The following EBF2 variants were observed in gnomAD, a reference collection of about 807,000 sequenced individuals.
The protein encoded by EBF2 is transcription factor COE2.
Under a neutral mutation model 72.8 loss-of-function variants are expected in EBF2, and 21 were observed. That is an observed-to-expected ratio of 0.29 (90% CI 0.20 to 0.42). EBF2 has a LOEUF of 0.42. Among genes scored for constraint, EBF2 ranks in the 10% least tolerant of loss-of-function variants. EBF2 has a pLI of 1.00. For missense variants in EBF2, 637 were observed against 731.2 expected (o/e 0.87, Z 1.49); for synonymous variants, 299 against 274.2 (o/e 1.09, Z -0.89).
At chr8:25,980,661 C>T (rs1804345335) in intron 6 of EBF2, among the ~76,000 whole-genome samples, 1 of 151,970 alleles carries the variant, frequency 6.6e-6, no homozygotes, top group African/African-American at 2.4e-5. Context: ...CAGCTTCAAG[C>T]CCTTCACATG....
intron 10 of EBF2, among the ~76,000 whole-genome samples, chr8:25,875,457 C>T (rs73225903): frequency 0.12 from 18,153 of 152,124 alleles, 1,185 homozygotes; most frequent in Middle Eastern, 0.18. Flanking sequence ...ACTGCCCCAG[C>T]GCCAGGTTCT....
intron 6 of EBF2, among the ~76,000 whole-genome samples, chr8:25,975,273 C>T (rs1312383977): frequency 6.6e-6 from 1 of 152,142 alleles, no homozygotes; most frequent in Non-Finnish European, 1.5e-5. Flanking sequence ...AGCAGTTTAA[C>T]ATCATGCAAA....
intron 6 of EBF2, among the ~76,000 whole-genome samples, chr8:26,005,561 T>TATATATAGAGAGAGAGAGAGAG (rs375386709): frequency 6.3e-5 from 4 of 63,894 alleles, no homozygotes; most frequent in African/African-American, 7.3e-5. Flanking sequence ...TATATATATA[T>TATATATAGAGAGAGAGAGAGAG]AGAGAGAGAG....
intron 10 of EBF2, among the ~76,000 whole-genome samples, chr8:25,870,150 C>A (rs1802408803): frequency 6.6e-6 from 1 of 152,134 alleles, no homozygotes; most frequent in Non-Finnish European, 1.5e-5. Flanking sequence ...CAGAAGGAGA[C>A]CCCATGCGGA....
At chr8:25,870,587 A>T (rs1467368579) in intron 10 of EBF2, among the ~76,000 whole-genome samples, 1 of 152,106 alleles carries the variant, frequency 6.6e-6, no homozygotes, top group African/African-American at 2.4e-5. Flanking sequence ...CAGAGGTGGG[A>T]TGGAGATGAG....
At chr8:25,939,381 G>A (rs1803631692) in intron 6 of EBF2, among the ~76,000 whole-genome samples, 1 of 152,072 alleles carries the variant, frequency 6.6e-6, no homozygotes, top group Admixed American at 6.6e-5. Flanking sequence ...TTACATATTG[G>A]GTCTCCGTGT....
chr8:26,009,379 T>C, intron 6 of EBF2, among the ~76,000 whole-genome samples: 1 of 152,268 alleles, frequency 6.6e-6, no homozygotes, highest in East Asian at 1.9e-4. Context: ...AAAACTAGCA[T>C]TACCAGACAC....
chr8:25,989,641 C>T lies in EBF2; in HGVS notation c.551+43444G>A, dbSNP rs1006415080. Among the ~76,000 whole-genome samples the T allele has an allele frequency of 2.6e-5, 4 of 152,344 alleles. No individual in the cohort carries two copies. In the South Asian group the frequency reaches 8.3e-4, roughly 32 times the overall value. ...AAATGGCTTGCAGACAACTCTCCCACATTTACAAGTAGTTTAAATTTCTGA... is the reference window on the plus strand; with the variant it reads ...AAATGGCTTGCAGACAACTCTCCCATATTTACAAGTAGTTTAAATTTCTGA... On this transcript the variant is annotated intron_variant, in intron 6 of 15. Coordinates refer to ENST00000520164, the MANE Select transcript of EBF2 (RefSeq NM_022659.4).
chr8:25,887,414 G>A (rs1802710050), intron 9 of EBF2, among the ~76,000 whole-genome samples: 1 of 152,076 alleles, frequency 6.6e-6, no homozygotes, highest in Admixed American at 6.6e-5. Context: ...AGAACATTTT[G>A]AAATTACAGA....
intron 6 of EBF2, among the ~76,000 whole-genome samples, chr8:26,014,602 TTC>T (rs1805078550): frequency 6.6e-6 from 1 of 152,338 alleles, no homozygotes; most frequent in East Asian, 1.9e-4. Flanking sequence ...GCTTAACATT[TTC>T]TCTTTGTCCT....
At chr8:25,921,933 C>T (rs907142986) in intron 6 of EBF2, among the ~76,000 whole-genome samples, 47 of 152,220 alleles carry the variant, frequency 3.1e-4, no homozygotes, top group African/African-American at 1.1e-3. Context: ...TCTAATCTTT[C>T]TTCCCATGCC....
intron 6 of EBF2, among the ~76,000 whole-genome samples, chr8:26,030,289 G>T (rs10086237): frequency 0.97 from 147,371 of 152,266 alleles, 71,326 homozygotes; most frequent in East Asian, 1. Context: ...CACCTATGAG[G>T]GAGAACATGC....
Position 25,886,813 on chromosome 8 carries a change from T to C in EBF2, c.951A>G (p.Thr317=), listed in dbSNP as rs1487670883. 5.0e-6 allele frequency: 8 copies of C among 1,613,546 alleles called. No homozygotes were observed. Among genetic ancestry groups the C allele is most frequent in the Non-Finnish European group, 6.8e-6 (8 of 1,179,760 alleles). Residue 317 remains threonine, a synonymous_variant, in exon 10 of 16, where the codon ACA becomes ACG. Coordinates refer to ENST00000520164, the MANE Select transcript of EBF2 (RefSeq NM_022659.4). The part of the protein sequence containing the change: ...PRHIPGVVEV[T]LSYKSKQFCK... ...AGAACTGTTTAGATTTATAAGATAATGTCACCTCTACCACGCCTGGGATGT... is the reference window on the plus strand; with the variant it reads ...AGAACTGTTTAGATTTATAAGATAACGTCACCTCTACCACGCCTGGGATGT...
intron 15 of EBF2, among the ~76,000 whole-genome samples, chr8:25,847,364 TTTTG>T (rs776642983): frequency 2.0e-4 from 31 of 152,278 alleles, no homozygotes; most frequent in East Asian, 5.8e-4. Context: ...TCCCAGGATT[TTTTG>T]TTTGTTTGTT....
rs187774549 is a variant in EBF2, at chr8:26,021,065, G to A, written c.551+12020C>T. ...GAGACTTGGAGAATGCTAAACAAAG[G>A]GTTTTAGGGAAGTCAGAATTAAAGT... On this transcript the variant is annotated intron_variant, in intron 6 of 15. Coordinates refer to ENST00000520164, the MANE Select transcript of EBF2 (RefSeq NM_022659.4). Among the ~76,000 whole-genome samples the A allele has an allele frequency of 5.3e-4, 81 of 152,242 alleles. 1 individual carries two copies. In the East Asian group the frequency reaches 0.013, roughly 24 times the overall value.
chr8:25,887,910 T>G lies in EBF2; in HGVS notation c.814A>C (p.Ile272Leu). Reference sequence around the variant, plus strand: ...TCAAAGAAGTTGTCCCCGATGATGATGACCATGGCTCCTCCTGTGGTCCAG... The same window carrying G: ...TCAAAGAAGTTGTCCCCGATGATGAGGACCATGGCTCCTCCTGTGGTCCAG... ...EGWTTGGAMVIIIGDNFFDGL... is the reference protein window; with the variant it reads ...EGWTTGGAMVLIIGDNFFDGL... The change falls in exon 9 of 16, where the codon ATC becomes CTC. Residue 272 changes from isoleucine (I) to leucine (L), a missense_variant. By Grantham distance (5) the Ile-to-Leu change is conservative. This residue lies in a region of EBF2 where 204 missense variants were observed against 301.2 expected (regional missense o/e 0.68). Transcript: ENST00000520164. 1 of 1,613,892 alleles carries G rather than the reference T, an allele frequency of 6.2e-7. No homozygotes were observed. The highest frequency in any genetic ancestry group is 1.1e-5 in the South Asian group (1 of 91,052).
At chr8:25,863,108 T>C (rs921731997) in intron 10 of EBF2, among the ~76,000 whole-genome samples, 6 of 152,024 alleles carry the variant, frequency 3.9e-5, no homozygotes, top group African/African-American at 9.7e-5. Context: ...GATAATAAAC[T>C]ACTTTTATAT....
At chr8:25,970,935 C>G (rs895363913) in intron 6 of EBF2, among the ~76,000 whole-genome samples, 5 of 152,064 alleles carry the variant, frequency 3.3e-5, no homozygotes, top group Non-Finnish European at 7.4e-5. Context: ...TGGGCTCAAG[C>G]AACCCTCCCA....
chr8:25,892,945 GAA>G (rs1464418080), intron 7 of EBF2, among the ~76,000 whole-genome samples: 15 of 152,154 alleles, frequency 9.9e-5, no homozygotes, highest in Non-Finnish European at 1.3e-4. Flanking sequence ...ATTCCTTCCA[GAA>G]AGTTCCTATC....
Sources: allele counts gnomAD v4.1 joint callset (sites outside exome capture counted in the v4.1 genomes callset), GRCh38; gene constraint gnomAD v4.1.1; regional missense constraint gnomAD v4.1.1; transcripts MANE v1.5; gene names NCBI Gene and HGNC (gene_info 2026-07-23, HGNC 2026-07-21).